The following GRM7 variants were observed in gnomAD, a reference collection of about 807,000 sequenced individuals.
The protein encoded by GRM7 is glutamate metabotropic receptor 7.
Under a neutral mutation model 84.5 loss-of-function variants are expected in GRM7, and 35 were observed. The ratio of observed to expected loss-of-function variants is 0.41; its 90% CI spans 0.32 to 0.55. The LOEUF (loss-of-function observed/expected upper bound fraction) is 0.55. Among genes scored for constraint, GRM7 ranks in the 20% least tolerant of loss-of-function variants. The pLI, the probability that GRM7 is intolerant of heterozygous loss-of-function variation, is 0.19. For synonymous variants in GRM7, 487 were observed against 455.1 expected, an observed-to-expected ratio of 1.07 and a Z score of -0.89; for missense variants, 1,003 against 1,194.6, an observed-to-expected ratio of 0.84 and a Z score of 2.36.
chr3:7,557,683 G>C (rs993148536), intron 7 of GRM7, among the ~76,000 whole-genome samples: 4 of 152,040 alleles, frequency 2.6e-5, no homozygotes, highest in African/African-American at 9.7e-5. Context: ...TTACAGGCTT[G>C]TATAAAACAA....
chr3:6,956,616 A>G, intron 1 of GRM7: 1 of 456,716 alleles, frequency 2.2e-6, no homozygotes. Context: ...AACGTCCTTC[A>G]AAAGTAAGTT....
intron 8 of GRM7, among the ~76,000 whole-genome samples, chr3:7,626,345 C>A (rs1347563681): frequency 6.6e-6 from 1 of 152,190 alleles, no homozygotes; most frequent in East Asian, 1.9e-4. Flanking sequence ...GTTACTCAGT[C>A]ACAGGCTGGA....
chr3:7,089,145 GTT>G (rs1698570654), intron 1 of GRM7, among the ~76,000 whole-genome samples: 2 of 152,132 alleles, frequency 1.3e-5, no homozygotes, highest in African/African-American at 4.8e-5. Context: ...ATTGGGTAGA[GTT>G]TATTTTATTT....
intron 4 of GRM7, among the ~76,000 whole-genome samples, chr3:7,321,245 A>G (rs1353668812): frequency 6.6e-6 from 1 of 152,090 alleles, no homozygotes; most frequent in Admixed American, 6.6e-5. Context: ...ACAGTTCATA[A>G]GGTTCTGATA....
intron 9 of GRM7, among the ~76,000 whole-genome samples, chr3:7,684,727 T>C (rs957441508): frequency 3.3e-5 from 5 of 152,024 alleles, no homozygotes; most frequent in Admixed American, 3.3e-4. Context: ...AAAAAGTAAA[T>C]CTCAAAATTT....
chr3:7,492,152 T>C (rs1398080870), intron 7 of GRM7, among the ~76,000 whole-genome samples: 1 of 152,140 alleles, frequency 6.6e-6, no homozygotes, highest in Non-Finnish European at 1.5e-5. Flanking sequence ...TAATAAGAGA[T>C]ATTGGTCTGT....
chr3:7,156,489 T>C (rs1163918689), intron 2 of GRM7, among the ~76,000 whole-genome samples: 1 of 152,178 alleles, frequency 6.6e-6, no homozygotes, highest in East Asian at 1.9e-4. Flanking sequence ...GACACTTCTA[T>C]TGAGCTGATT....
intron 8 of GRM7, among the ~76,000 whole-genome samples, chr3:7,657,277 A>T (rs922423661): frequency 3.3e-5 from 5 of 152,234 alleles, no homozygotes; most frequent in Non-Finnish European, 5.9e-5. Flanking sequence ...GGGGAAAAAT[A>T]AAAAGATAAA....
At chr3:7,652,747 A>C (rs1699003942) in intron 8 of GRM7, among the ~76,000 whole-genome samples, 1 of 152,208 alleles carries the variant, frequency 6.6e-6, no homozygotes, top group Non-Finnish European at 1.5e-5. Context: ...CATTTCAGTA[A>C]ATTTACAGAA....
At chr3:7,032,692 A>C (rs1175017934) in intron 1 of GRM7, among the ~76,000 whole-genome samples, 3 of 152,224 alleles carry the variant, frequency 2.0e-5, no homozygotes, top group Admixed American at 1.3e-4. Context: ...AACTATGCAC[A>C]CAATGATAAT....
chr3:7,671,976 C>A (rs1699935385), intron 8 of GRM7, among the ~76,000 whole-genome samples: 2 of 152,206 alleles, frequency 1.3e-5, no homozygotes, highest in South Asian at 2.1e-4. Flanking sequence ...CCCAAAGTCA[C>A]CCACTAATAA....
intron 2 of GRM7, among the ~76,000 whole-genome samples, chr3:7,154,632 C>T (rs142128402): frequency 6.6e-6 from 1 of 152,062 alleles, no homozygotes; most frequent in African/African-American, 2.4e-5. Flanking sequence ...TGTAAGGAAA[C>T]ATAGCTCATC....
At chr3:7,117,086 A>C (rs1693061543) in intron 1 of GRM7, among the ~76,000 whole-genome samples, 1 of 152,146 alleles carries the variant, frequency 6.6e-6, no homozygotes, top group Non-Finnish European at 1.5e-5. Context: ...CACGCCAAGT[A>C]AAGGGGTTAG....
chr3:7,402,317 A>T (rs1695487341), intron 4 of GRM7, among the ~76,000 whole-genome samples: 1 of 152,218 alleles, frequency 6.6e-6, no homozygotes, highest in African/African-American at 2.4e-5. Flanking sequence ...GATTTCCTAG[A>T]AAACAAGATG....
At chr3:7,377,365 A>G (rs1466300033) in intron 4 of GRM7, among the ~76,000 whole-genome samples, 1 of 152,174 alleles carries the variant, frequency 6.6e-6, no homozygotes, top group Non-Finnish European at 1.5e-5. Flanking sequence ...TGGGCACACT[A>G]TTTTGTTTAT....
In GRM7 at chr3:6,985,814, A is replaced by G. The variant is rs550019176; in HGVS notation, c.519+123907A>G. ...AAATGAGCTTGACTGTAAAGGGGGT[A>G]AACTATAGAGACAAATATTAAGGTA... On this transcript the variant is annotated intron_variant, in intron 1 of 9. Transcript: ENST00000357716. Among the ~76,000 whole-genome samples, 4 of 152,324 alleles carry G rather than the reference A, an allele frequency of 2.6e-5. No homozygotes were observed. The South Asian group carries it at 8.3e-4, about 32-fold the overall frequency.
At chr3:7,685,045 G>A (rs1433578021) in intron 9 of GRM7, among the ~76,000 whole-genome samples, 1 of 152,174 alleles carries the variant, frequency 6.6e-6, no homozygotes, top group Non-Finnish European at 1.5e-5. Flanking sequence ...ACTTTCTACA[G>A]TTCACTTGGC....
At chr3:7,588,159 T>A (rs1695608666) in intron 8 of GRM7, among the ~76,000 whole-genome samples, 1 of 151,896 alleles carries the variant, frequency 6.6e-6, no homozygotes, top group Admixed American at 6.5e-5. Context: ...TATACAGCCT[T>A]CCTTGTTTTG....
chr3:7,122,475 A>T (rs867480958), intron 1 of GRM7, among the ~76,000 whole-genome samples: 22 of 152,204 alleles, frequency 1.4e-4, no homozygotes, highest in Non-Finnish European at 2.1e-4. Flanking sequence ...ACTAAAACAA[A>T]TATTAAAAAT....
Sources: allele counts gnomAD v4.1 joint callset (sites outside exome capture counted in the v4.1 genomes callset), GRCh38; gene constraint gnomAD v4.1.1; transcripts MANE v1.5; gene names NCBI Gene and HGNC (gene_info 2026-07-23, HGNC 2026-07-21).